The following CALN1 variants were observed in gnomAD, a reference collection of about 807,000 sequenced individuals.
The protein encoded by CALN1 is calcium-binding protein 8.
CALN1 carries 17 observed loss-of-function variants against 30.6 expected under a neutral mutation model. The ratio of observed to expected loss-of-function variants is 0.56; its 90% confidence interval spans 0.38 to 0.83. CALN1 has a LOEUF of 0.83. CALN1 is among the 40% of genes least tolerant of loss of function. The probability of loss-of-function intolerance (pLI) is 0.00; values close to 1 mark genes in which losing one functional copy is unlikely to be tolerated. For missense variants in CALN1, 291 were observed against 354.9 expected, an observed-to-expected ratio of 0.82 and a Z score of 1.45; for synonymous variants, 156 against 131.4, an observed-to-expected ratio of 1.19 and a Z score of -1.28.
chr7:72,382,586 G>A (rs142352449), intron 2 of CALN1, among the ~76,000 whole-genome samples: 1 of 152,240 alleles, frequency 6.6e-6, no homozygotes, highest in African/African-American at 2.4e-5. Context: ...GTACCCAATA[G>A]GAAGTTTCTC....
At chr7:72,075,990 A>G (rs1269320454) in intron 4 of CALN1, among the ~76,000 whole-genome samples, 3 of 152,162 alleles carry the variant, frequency 2.0e-5, no homozygotes, top group Non-Finnish European at 2.9e-5. Context: ...GAGGAAGGAT[A>G]AAGCCCAGGA....
At chr7:72,271,538 A>C (rs1202250095) in intron 3 of CALN1, among the ~76,000 whole-genome samples, 1 of 137,278 alleles carries the variant, frequency 7.3e-6, no homozygotes, top group East Asian at 2.1e-4. Flanking sequence ...TTAGGATTAT[A>C]AGCATGAACC....
At chr7:71,887,647 G>A (rs371316420) in intron 5 of CALN1, among the ~76,000 whole-genome samples, 5 of 152,210 alleles carry the variant, frequency 3.3e-5, no homozygotes, top group African/African-American at 9.6e-5. Context: ...GCAAACATAG[G>A]GGGAGGGAGA....
At chr7:72,004,665 A>G (rs1274309250) in intron 5 of CALN1, among the ~76,000 whole-genome samples, 2 of 152,204 alleles carry the variant, frequency 1.3e-5, no homozygotes, top group African/African-American at 4.8e-5. Context: ...CAAAATATAT[A>G]AAGAATTCTC....
At chr7:72,290,325 G>A (rs1798393248) in intron 2 of CALN1, among the ~76,000 whole-genome samples, 1 of 152,030 alleles carries the variant, frequency 6.6e-6, no homozygotes, top group African/African-American at 2.4e-5. Context: ...CAGTTTCCTG[G>A]CTGTGACAAA....
At chr7:72,331,623 T>C (rs150492506) in intron 2 of CALN1, among the ~76,000 whole-genome samples, 1,716 of 152,320 alleles carry the variant, frequency 0.011, 29 homozygotes, top group African/African-American at 0.036. Context: ...AACTTTTTTT[T>C]CTAATAGTCA....
In CALN1 at chr7:71,781,294, T is replaced by C. The variant is rs1231021995; in HGVS notation, c.*6481A>G. ...TGGCTCCTGGGCTTTCTCCAGCTGG[T>C]AGTACCGTCCACACTTTGAGTTCTT... On this transcript the variant is annotated 3_prime_UTR_variant, in exon 7 of 7. Coordinates refer to ENST00000395275, the MANE Select transcript of CALN1 (RefSeq NM_031468.4). 2 of 152,320 alleles carry C rather than the reference T, an allele frequency of 1.3e-5. No homozygotes were observed. Among genetic ancestry groups the C allele is most frequent in the African/African-American group, 4.8e-5 (2 of 41,464 alleles). 9.4% of individuals were successfully genotyped at this position (152,320 alleles called of 1,614,324 possible).
chr7:72,030,939 G>A (rs1054220964), intron 4 of CALN1, among the ~76,000 whole-genome samples: 1 of 152,040 alleles, frequency 6.6e-6, no homozygotes, highest in African/African-American at 2.4e-5. Context: ...TCAGAGACAA[G>A]GTCTTGCTAT....
At chr7:72,243,464 C>T (rs1388510957) in intron 3 of CALN1, among the ~76,000 whole-genome samples, 1 of 152,138 alleles carries the variant, frequency 6.6e-6, no homozygotes, top group East Asian at 1.9e-4. Context: ...TTTTTTAAAT[C>T]AGTGAGCTTC....
intron 3 of CALN1, among the ~76,000 whole-genome samples, chr7:72,135,909 G>A (rs1380359149): frequency 6.6e-6 from 1 of 152,034 alleles, no homozygotes; most frequent in African/African-American, 2.4e-5. Context: ...GAGGTGGGTG[G>A]ATCACCTTAT....
intron 5 of CALN1, among the ~76,000 whole-genome samples, chr7:71,940,679 T>C (rs903951579): frequency 5.3e-5 from 8 of 152,240 alleles, no homozygotes; most frequent in African/African-American, 1.9e-4. Flanking sequence ...TCTCAGCTCA[T>C]TGCAACCTCC....
intron 3 of CALN1, among the ~76,000 whole-genome samples, chr7:72,230,172 C>A (rs556958142): frequency 6.6e-6 from 1 of 151,680 alleles, no homozygotes; most frequent in South Asian, 2.1e-4. Flanking sequence ...AAAACAAAAC[C>A]TAGATGACAG....
chr7:72,148,821 T>C (rs900736751), intron 3 of CALN1, among the ~76,000 whole-genome samples: 7 of 151,672 alleles, frequency 4.6e-5, no homozygotes, highest in East Asian at 3.9e-4. Flanking sequence ...AGGAGAATCA[T>C]TGGAACCCTG....
At chr7:72,484,999 G>A in the CALN1 span, among the ~76,000 whole-genome samples, 1 of 152,130 alleles carries the variant, frequency 6.6e-6, no homozygotes, top group Non-Finnish European at 1.5e-5. Flanking sequence ...TTGAATGGGA[G>A]AGAAATAGGT....
At chr7:72,477,301 G>A in the CALN1 span, among the ~76,000 whole-genome samples, 2 of 152,174 alleles carry the variant, frequency 1.3e-5, no homozygotes, top group Non-Finnish European at 2.9e-5. Context: ...TGTATTAGGG[G>A]AGCAAAGAAT....
At chr7:72,287,745 C>T (rs1004868181) in intron 2 of CALN1, among the ~76,000 whole-genome samples, 1 of 152,120 alleles carries the variant, frequency 6.6e-6, no homozygotes, top group Admixed American at 6.5e-5. Context: ...TACGCCCAGC[C>T]TAGTTAATTT....
intron 3 of CALN1, among the ~76,000 whole-genome samples, chr7:72,203,301 A>G (rs184602796): frequency 1.6e-4 from 25 of 152,164 alleles, no homozygotes; most frequent in African/African-American, 5.8e-4. Context: ...ATGTATACCT[A>G]TGTAACAAAC....
chr7:72,369,500 T>C (rs1280463474), intron 2 of CALN1, among the ~76,000 whole-genome samples: 2 of 151,814 alleles, frequency 1.3e-5, no homozygotes, highest in African/African-American at 4.8e-5. Flanking sequence ...TAGCTGGGAT[T>C]ACAGGCATGC....
At chr7:72,087,609 G>A (rs1805565021) in intron 4 of CALN1, among the ~76,000 whole-genome samples, 1 of 152,170 alleles carries the variant, frequency 6.6e-6, no homozygotes, top group African/African-American at 2.4e-5. Flanking sequence ...AGAAAGCATT[G>A]TTACAAAAAT....
Sources: allele counts gnomAD v4.1 joint callset (sites outside exome capture counted in the v4.1 genomes callset), GRCh38; gene constraint gnomAD v4.1.1; transcripts MANE v1.5; gene names NCBI Gene and HGNC (gene_info 2026-07-23, HGNC 2026-07-21).